The following HDAC9 variants were observed in gnomAD, a reference collection of about 807,000 sequenced individuals.
HDAC9 encodes histone deacetylase 9.
In HDAC9, 41 loss-of-function variants were observed where a neutral mutation model predicts 139.4. The ratio of observed to expected loss-of-function variants is 0.29; its 90% CI spans 0.23 to 0.38. HDAC9 has a LOEUF of 0.38. Ranked by LOEUF, HDAC9 falls within the 10% of genes least tolerant of loss-of-function variation. HDAC9 has a pLI of 1.00. For missense variants in HDAC9, 1,147 were observed against 1,297.0 expected (o/e 0.88, Z 1.78); for synonymous variants, 517 against 476.2 (o/e 1.09, Z -1.12).
Position 18,117,267 on chromosome 7 carries a change from A to G in HDAC9, c.-97+30054A>G, listed in dbSNP as rs1225693493. Among the ~76,000 whole-genome samples, 5 of 152,128 alleles carry G rather than the reference A, an allele frequency of 3.3e-5. 1 individual carries two copies. Among genetic ancestry groups the G allele is most frequent in the Middle Eastern group, 3.4e-3 (1 of 294 alleles). ...GACTGGTATCCTTATAAAAAAGAAGAGAAGGTCAGGAGATCGAGACCTTCC... is the reference window on the plus strand; with the variant it reads ...GACTGGTATCCTTATAAAAAAGAAGGGAAGGTCAGGAGATCGAGACCTTCC... On this transcript the variant is annotated intron_variant, in intron 1 of 12. Coordinates refer to the HDAC9 transcript ENST00000417496.
chr7:18,458,836 C>T (rs1420334377), intron 1 of HDAC9: 8 of 1,533,804 alleles, frequency 5.2e-6, no homozygotes, highest in South Asian at 1.2e-5. Flanking sequence ...TTTCTTATCC[C>T]CACAGACCTC....
intron 1 of HDAC9, among the ~76,000 whole-genome samples, chr7:18,408,895 C>T (rs146436526): frequency 7.2e-5 from 11 of 152,190 alleles, no homozygotes; most frequent in South Asian, 2.1e-4. Context: ...TTAGAAAAGG[C>T]GCAGATTAAA....
rs765853386 is a variant in HDAC9, at chr7:18,686,635, C to T, written c.1731+20159C>T. Reference sequence around the variant, plus strand: ...ACCTCTTAGAATATCTAGAGAAACACGAATTTAGATATATAGCCTGGCATA... The same window carrying T: ...ACCTCTTAGAATATCTAGAGAAACATGAATTTAGATATATAGCCTGGCATA... On this transcript the variant is annotated intron_variant, in intron 12 of 25. Transcript: ENST00000686413. 9.9e-5 allele frequency among the ~76,000 whole-genome samples: 15 copies of T among 151,952 alleles called. No individual in the cohort carries two copies. In the Middle Eastern group the frequency reaches 0.01, roughly 103 times the overall value.
chr7:18,879,474 A>G (rs1036739971), intron 22 of HDAC9, among the ~76,000 whole-genome samples: 2 of 152,122 alleles, frequency 1.3e-5, no homozygotes, highest in Admixed American at 1.3e-4. Flanking sequence ...ACATAGACTA[A>G]TGGAACAGAA....
chr7:18,746,232 C>T (rs1019599634), intron 13 of HDAC9, among the ~76,000 whole-genome samples: 2 of 152,114 alleles, frequency 1.3e-5, no homozygotes, highest in African/African-American at 4.8e-5. Context: ...ATTAAACTAT[C>T]ACTTTTTATT....
intron 1 of HDAC9, among the ~76,000 whole-genome samples, chr7:18,323,589 C>T (rs1800198840): frequency 6.6e-6 from 1 of 152,058 alleles, no homozygotes; most frequent in African/African-American, 2.4e-5. Flanking sequence ...GAAGTGGAGC[C>T]TAGAGGCATT....
At chr7:18,968,419 A>G (rs986497141) in intron 24 of HDAC9, among the ~76,000 whole-genome samples, 1 of 152,152 alleles carries the variant, frequency 6.6e-6, no homozygotes, top group Non-Finnish European at 1.5e-5. Flanking sequence ...AGAGAAAACT[A>G]TATACAGATA....
intron 1 of HDAC9, among the ~76,000 whole-genome samples, chr7:18,135,495 T>A (rs1485906826): frequency 7.7e-6 from 1 of 130,634 alleles, no homozygotes; most frequent in Non-Finnish European, 1.6e-5. Flanking sequence ...ATATTCCCCT[T>A]CCTGTGTCCA....
intron 13 of HDAC9, among the ~76,000 whole-genome samples, chr7:18,729,452 C>T (rs1042909002): frequency 6.6e-6 from 1 of 152,118 alleles, no homozygotes; most frequent in African/African-American, 2.4e-5. Context: ...TTCTGACATA[C>T]TTCAGTGTCT....
In HDAC9 at chr7:18,977,919, G is replaced by GACACACACACAC. The variant is rs147049392; in HGVS notation, c.3170+1996_3170+2007dup. ...GAATTTCCTCAGAGACAGACAGACA[G>GACACACACACAC]ACACACACACACACACACACACACA... is the stretch of plus-strand genomic sequence containing the variant. On this transcript the variant is annotated intron_variant, in intron 25 of 25. Coordinates refer to ENST00000686413, the MANE Select transcript of HDAC9 (RefSeq NM_178425.4). Among the ~76,000 whole-genome samples the GACACACACACAC allele has an allele frequency of 2.7e-3, 382 of 141,016 alleles. 3 individuals are homozygous for GACACACACACAC. The highest frequency in any genetic ancestry group is 8.6e-3 in the South Asian group (37 of 4,292). The allele number at this position is 141,016 out of a possible 152,430, so 92.5% of individuals were successfully genotyped here.
chr7:18,587,901 A>C (rs941382473), intron 3 of HDAC9, among the ~76,000 whole-genome samples: 2 of 152,240 alleles, frequency 1.3e-5, no homozygotes, highest in African/African-American at 2.4e-5. Flanking sequence ...TTAAAGTTCA[A>C]ATACATTGGG....
At chr7:18,956,632 A>G (rs1321062708) in intron 24 of HDAC9, among the ~76,000 whole-genome samples, 1 of 152,130 alleles carries the variant, frequency 6.6e-6, no homozygotes, top group African/African-American at 2.4e-5. Flanking sequence ...ATACCCAGAA[A>G]CAATGCACTC....
intron 13 of HDAC9, among the ~76,000 whole-genome samples, chr7:18,733,272 GTA>G (rs1026780012): frequency 8.3e-5 from 8 of 95,866 alleles, no homozygotes; most frequent in African/African-American, 2.4e-4. Context: ...ATATACACAG[GTA>G]TATATGTGTA....
chr7:18,651,414 T>C (rs1789224052), intron 11 of HDAC9, among the ~76,000 whole-genome samples: 1 of 152,164 alleles, frequency 6.6e-6, no homozygotes, highest in African/African-American at 2.4e-5. Context: ...TGATTCTTTT[T>C]TGAGGAATTT....
chr7:18,551,101 T>C (rs1039467195), intron 2 of HDAC9, among the ~76,000 whole-genome samples: 33 of 152,176 alleles, frequency 2.2e-4, no homozygotes, highest in African/African-American at 7.5e-4. Flanking sequence ...TTAATACAGA[T>C]TGTGAGAGAA....
intron 13 of HDAC9, among the ~76,000 whole-genome samples, chr7:18,741,498 A>G (rs1426768805): frequency 6.6e-6 from 1 of 152,186 alleles, no homozygotes; most frequent in Non-Finnish European, 1.5e-5. Context: ...GGGGAAAAAA[A>G]GTTCCCTTTC....
intron 2 of HDAC9, among the ~76,000 whole-genome samples, chr7:18,560,519 CTTG>C (rs755971737): frequency 2.6e-5 from 4 of 152,092 alleles, no homozygotes. Context: ...CTTCCAAAAC[CTTG>C]TTGTGTAAAG....
At chr7:18,707,833 G>A (rs1784047167) in intron 12 of HDAC9, among the ~76,000 whole-genome samples, 1 of 150,556 alleles carries the variant, frequency 6.6e-6, no homozygotes, top group East Asian at 2.0e-4. Context: ...TAACTTGAAG[G>A]GAACACAGGG....
At chr7:18,988,524 A>G (rs1240031871) in intron 25 of HDAC9, among the ~76,000 whole-genome samples, 1 of 151,928 alleles carries the variant, frequency 6.6e-6, no homozygotes. Context: ...TGGTGCTGAA[A>G]AAAATGTATA....
Sources: gnomAD v4.1 joint callset for allele counts (sites outside exome capture counted in the v4.1 genomes callset) on GRCh38, gnomAD v4.1.1 for gene constraint, MANE v1.5 for transcripts, NCBI Gene and HGNC (gene_info 2026-07-23, HGNC 2026-07-21) for gene names.